Variants in ARHGAP15 observed in about 807,000 individuals in gnomAD.
The protein encoded by ARHGAP15 is Rho GTPase activating protein 15, also known as rho GTPase-activating protein 15.
A neutral mutation model predicts 63.7 loss-of-function variants in ARHGAP15; 51 were observed. The observed-to-expected ratio is 0.80, with a 90% confidence interval of 0.64 to 1.01. ARHGAP15 has a LOEUF of 1.01. Ranked by LOEUF, ARHGAP15 falls within the 50% of genes least tolerant of loss-of-function variation. ARHGAP15 has a pLI of 0.00. For synonymous variants in ARHGAP15, 191 were observed against 193.8 expected, an observed-to-expected ratio of 0.99 and a Z score of 0.12; for missense variants, 560 against 564.6, an observed-to-expected ratio of 0.99 and a Z score of 0.08.
At chr2:143,391,365 C>A (rs1687531812) in intron 6 of ARHGAP15, among the ~76,000 whole-genome samples, 1 of 151,722 alleles carries the variant, frequency 6.6e-6, no homozygotes, top group Non-Finnish European at 1.5e-5. Flanking sequence ...AGTATGTTAC[C>A]CTTGTTGATT....
chr2:143,494,249 C>T lies in ARHGAP15; in HGVS notation c.826+6754C>T, dbSNP rs530572321. Among the ~76,000 whole-genome samples, 5 of 152,088 alleles carry T rather than the reference C, an allele frequency of 3.3e-5. No individual in the cohort carries two copies. In the South Asian group the frequency reaches 1.0e-3, roughly 32 times the overall value. On this transcript the variant is annotated intron_variant, in intron 9 of 13. Coordinates refer to ENST00000295095, the MANE Select transcript of ARHGAP15 (RefSeq NM_018460.4). ...AATTGATGGTTTCATTCAGTGTTAT[C>T]TTTTCTCAAATTTTGAAAGAATTCT... is the stretch of plus-strand genomic sequence containing the variant.
At chr2:143,135,823 C>T (rs891768891) in intron 1 of ARHGAP15, among the ~76,000 whole-genome samples, 21 of 152,178 alleles carry the variant, frequency 1.4e-4, no homozygotes, top group Non-Finnish European at 2.9e-4. Context: ...GTCCTGAGAT[C>T]AGTCTTTGGA....
intron 6 of ARHGAP15, among the ~76,000 whole-genome samples, chr2:143,361,617 T>G (rs1686057399): frequency 6.6e-6 from 1 of 152,154 alleles, no homozygotes; most frequent in Admixed American, 6.5e-5. Context: ...ACCCTCTGTC[T>G]TAATTAAAAA....
At position 143,471,066 on chromosome 2, in the gene ARHGAP15, TATG is replaced by T. The variant is rs199901647; in HGVS notation, c.704-16304_704-16302del. 8.2e-3 allele frequency among the ~76,000 whole-genome samples: 1,220 copies of T among 149,550 alleles called. 14 individuals are homozygous for T. The highest frequency in any genetic ancestry group is 0.028 in the African/African-American group (1,163 of 40,918). Reference sequence around the variant, plus strand: ...ACACACATGTGTGCATATATACACATATGATACACATGTATAAATGTATATGAT... The same window carrying T: ...ACACACATGTGTGCATATATACACATATACACATGTATAAATGTATATGAT... On this transcript the variant is annotated intron_variant, in intron 8 of 13. Coordinates refer to ENST00000295095, the MANE Select transcript of ARHGAP15 (RefSeq NM_018460.4).
At chr2:143,697,961 A>G (rs1248285960) in intron 12 of ARHGAP15, among the ~76,000 whole-genome samples, 2 of 152,184 alleles carry the variant, frequency 1.3e-5, no homozygotes, top group African/African-American at 4.8e-5. Flanking sequence ...AGGGACTACC[A>G]TGTTTTTCAT....
intron 13 of ARHGAP15, among the ~76,000 whole-genome samples, chr2:143,752,764 C>T (rs974984963): frequency 1.3e-4 from 20 of 152,148 alleles, no homozygotes; most frequent in Non-Finnish European, 2.6e-4. Context: ...TTCAGCCAGA[C>T]CCACAGGAAG....
At chr2:143,418,194 A>T (rs976110341) in intron 6 of ARHGAP15, among the ~76,000 whole-genome samples, 1 of 152,252 alleles carries the variant, frequency 6.6e-6, no homozygotes, top group African/African-American at 2.4e-5. Context: ...ATAAAGGGAT[A>T]GTGGCCTCAC....
intron 9 of ARHGAP15, among the ~76,000 whole-genome samples, chr2:143,509,996 G>A (rs1322838263): frequency 7.9e-6 from 1 of 125,884 alleles, no homozygotes; most frequent in Non-Finnish European, 1.6e-5. Flanking sequence ...CTCCAGCCTG[G>A]CGACAGAGTA....
chr2:143,273,460 C>CAA (rs150223724), intron 6 of ARHGAP15, among the ~76,000 whole-genome samples: 1 of 150,904 alleles, frequency 6.6e-6, no homozygotes, highest in African/African-American at 2.4e-5. Flanking sequence ...ATTGTAAAGT[C>CAA]AAAAAAAATG....
chr2:143,568,228 C>G (rs1163831357), intron 11 of ARHGAP15, among the ~76,000 whole-genome samples: 1 of 152,082 alleles, frequency 6.6e-6, no homozygotes, highest in Non-Finnish European at 1.5e-5. Flanking sequence ...TCAGAGTGAA[C>G]AGGCAACCTA....
chr2:143,359,325 AC>A (rs1161691365), intron 6 of ARHGAP15, among the ~76,000 whole-genome samples: 2 of 152,110 alleles, frequency 1.3e-5, no homozygotes, highest in African/African-American at 4.8e-5. Context: ...TCTCAAGCTG[AC>A]AAAATGCTAC....
chr2:143,551,930 T>C (rs1284532161), intron 10 of ARHGAP15, among the ~76,000 whole-genome samples: 1 of 152,158 alleles, frequency 6.6e-6, no homozygotes, highest in East Asian at 1.9e-4. Context: ...GGAGGAGGCA[T>C]AGGTCTGAAT....
At chr2:143,474,363 TTAAA>T (rs1008428756) in intron 8 of ARHGAP15, among the ~76,000 whole-genome samples, 4 of 152,184 alleles carry the variant, frequency 2.6e-5, no homozygotes, top group African/African-American at 9.7e-5. Context: ...GCATACAAAT[TTAAA>T]TATATTTCCA....
chr2:143,381,057 C>G (rs1036107438), intron 6 of ARHGAP15, among the ~76,000 whole-genome samples: 9 of 152,194 alleles, frequency 5.9e-5, no homozygotes, highest in Admixed American at 5.9e-4. Flanking sequence ...TTTGAAAATA[C>G]TTGAATATTG....
chr2:143,363,710 T>C (rs936756975), intron 6 of ARHGAP15, among the ~76,000 whole-genome samples: 3 of 152,208 alleles, frequency 2.0e-5, no homozygotes, highest in Non-Finnish European at 4.4e-5. Context: ...TTTAATACTC[T>C]GCACAACACC....
intron 6 of ARHGAP15, among the ~76,000 whole-genome samples, chr2:143,369,329 G>A (rs1428485127): frequency 1.3e-5 from 2 of 151,652 alleles, no homozygotes; most frequent in African/African-American, 4.8e-5. Flanking sequence ...ACCACATCAG[G>A]GAAAGATTGT....
intron 12 of ARHGAP15, among the ~76,000 whole-genome samples, chr2:143,666,813 GA>G (rs1311866959): frequency 1.3e-5 from 2 of 149,226 alleles, no homozygotes; most frequent in Non-Finnish European, 2.9e-5. Flanking sequence ...AAAAACACAT[GA>G]AAAAATGCTC....
chr2:143,628,603 C>T (rs548812831), intron 12 of ARHGAP15, among the ~76,000 whole-genome samples: 2 of 152,240 alleles, frequency 1.3e-5, no homozygotes, highest in East Asian at 3.9e-4. Flanking sequence ...CCAGACAGGG[C>T]CCATCTGGTT....
At chr2:143,650,859 CTA>C (rs894403846) in intron 12 of ARHGAP15, among the ~76,000 whole-genome samples, 15 of 151,970 alleles carry the variant, frequency 9.9e-5, no homozygotes, top group South Asian at 2.1e-4. Context: ...AAAATTAACT[CTA>C]GAGTGTGATT....
Sources: gnomAD v4.1 joint callset for allele counts (sites outside exome capture counted in the v4.1 genomes callset) on GRCh38, gnomAD v4.1.1 for gene constraint, MANE v1.5 for transcripts, NCBI Gene and HGNC (gene_info 2026-07-23, HGNC 2026-07-21) for gene names.